The following NSUN7 variants were observed in gnomAD, a reference collection of about 807,000 sequenced individuals.
The protein encoded by NSUN7 is NOP2/Sun RNA methyltransferase family member 7.
Under a neutral mutation model 58.5 loss-of-function variants are expected in NSUN7, and 39 were observed. That is an observed-to-expected ratio of 0.67 (90% CI 0.52 to 0.87). NSUN7 has a LOEUF of 0.87. Ranked by LOEUF, NSUN7 falls within the 40% of genes least tolerant of loss-of-function variation. NSUN7 has a pLI of 0.00. For missense variants in NSUN7, 765 were observed against 844.1 expected, an observed-to-expected ratio of 0.91 and a Z score of 1.16; for synonymous variants, 278 against 303.7, an observed-to-expected ratio of 0.92 and a Z score of 0.88.
At chr4:40,776,374 T>C (rs1469064409) in intron 7 of NSUN7, 115 bp downstream of exon 7, 4 of 659,782 alleles carry the variant, frequency 6.1e-6, no homozygotes, top group Non-Finnish European at 1.0e-5. Flanking sequence ...TGTGAACTAA[T>C]ATCTTAAAAT....
At chr4:40,799,073 CTTTTTTTTTTTTTTTTT>C (rs761448412) in intron 10 of NSUN7, among the ~76,000 whole-genome samples, 169 bp downstream of exon 10, 1 of 76,208 alleles carries the variant, frequency 1.3e-5, no homozygotes, top group African/African-American at 5.0e-5. Flanking sequence ...GGGCCTTTTT[CTTTTTTTTTTTTTTTTT>C]TTTTTTTTTT....
At chr4:40,761,358 G>A in intron 4 of NSUN7, 57 bp downstream of exon 4, 2 of 1,376,820 alleles carry the variant, frequency 1.5e-6, no homozygotes, top group East Asian at 2.4e-5. Flanking sequence ...TATTGTTATT[G>A]GTAAAATTAC....
intron 2 of NSUN7, among the ~76,000 whole-genome samples, chr4:40,757,255 CAAAT>C (rs1293857231): frequency 6.6e-5 from 10 of 151,874 alleles, no homozygotes; most frequent in African/African-American, 7.3e-5. Context: ...AATAAATAAA[CAAAT>C]AAGTTACAGG....
At chr4:40,779,419 C>A (rs1200051512) in intron 7 of NSUN7, among the ~76,000 whole-genome samples, 3 of 152,080 alleles carry the variant, frequency 2.0e-5, no homozygotes, top group African/African-American at 7.2e-5. Flanking sequence ...CTGGCTAACA[C>A]GGTGAAACAG....
At chr4:40,806,052 C>T (rs1028606341) in intron 10 of NSUN7, among the ~76,000 whole-genome samples, 5 of 151,996 alleles carry the variant, frequency 3.3e-5, no homozygotes, top group Non-Finnish European at 5.9e-5. Context: ...TTGCCCAGGC[C>T]GGAGTGCAAT....
chr4:40,755,937 G>T (rs1250043899), intron 2 of NSUN7, among the ~76,000 whole-genome samples: 1 of 152,188 alleles, frequency 6.6e-6, no homozygotes, highest in African/African-American at 2.4e-5. Context: ...GTCAACTAGG[G>T]AAGTTCATCT....
At chr4:40,801,813 G>A (rs1045452718) in intron 10 of NSUN7, among the ~76,000 whole-genome samples, 1 of 149,718 alleles carries the variant, frequency 6.7e-6, no homozygotes, top group Non-Finnish European at 1.5e-5. Flanking sequence ...GAGGTGGGAA[G>A]ATTGCTTGAG....
rs1744019803 is a variant in NSUN7, at chr4:40,808,889, A to G, written c.2107A>G (p.Lys703Glu). ...HSLSRKEEKPKDDTPSSLLRP... is the reference protein window; with the variant it reads ...HSLSRKEEKPEDDTPSSLLRP... ...ACTATCCAGAAAAGAGGAAAAGCCT[A>G]AAGATGACACACCTTCCTCCCTACT... The change falls in exon 12 of 12, where the codon AAA (lysine) becomes GAA (glutamate). Residue 703 changes from lysine to glutamate, a missense_variant. By Grantham distance (56) the Lys-to-Glu change is moderately conservative. Transcript: ENST00000381782. 3 of 1,544,370 alleles carry G rather than the reference A, an allele frequency of 1.9e-6. No individual in the cohort carries two copies. Among genetic ancestry groups the G allele is most frequent in the Non-Finnish European group, 2.6e-6 (3 of 1,146,472 alleles).
intron 10 of NSUN7, among the ~76,000 whole-genome samples, chr4:40,804,904 G>A (rs898385851): frequency 1.3e-5 from 2 of 152,108 alleles, no homozygotes; most frequent in African/African-American, 4.8e-5. Context: ...GGCCTGCAGA[G>A]GAAAACCACC....
intron 7 of NSUN7, 91 bp downstream of exon 7, chr4:40,776,350 G>A (rs1742270090): frequency 1.5e-5 from 13 of 842,610 alleles, no homozygotes; most frequent in Non-Finnish European, 2.4e-5. Context: ...TTTTTGTAAT[G>A]TAAAAGCTCT....
intron 7 of NSUN7, chr4:40,786,489 A>T: frequency 6.2e-7 from 1 of 1,613,066 alleles, no homozygotes; most frequent in East Asian, 2.2e-5. Context: ...AAAATCAAGG[A>T]GTCCCTGTAC....
chr4:40,798,340 T>A (rs905743039), intron 9 of NSUN7, among the ~76,000 whole-genome samples: 1 of 152,210 alleles, frequency 6.6e-6, no homozygotes, highest in Admixed American at 6.5e-5. Flanking sequence ...ATTACCTCAT[T>A]TTACGGATGA....
In NSUN7 at chr4:40,780,790, CACATATAT is replaced by C. The variant is rs375906792; in HGVS notation, c.1036+4533_1036+4540del. ...ACACACACACACACACACACACATACACATATATATATATATATATATATTTTTTTTTT... is the reference window on the plus strand; with the variant it reads ...ACACACACACACACACACACACATACATATATATATATATATTTTTTTTTT... On this transcript the variant is annotated intron_variant, in intron 7 of 11. Coordinates refer to ENST00000381782, the MANE Select transcript of NSUN7 (RefSeq NM_024677.6). Among the ~76,000 whole-genome samples the C allele has an allele frequency of 3.8e-3, 422 of 110,934 alleles. 3 individuals carry two copies. The highest frequency in any genetic ancestry group is 0.012 in the African/African-American group (341 of 28,212). The allele number at this position is 110,934 out of a possible 152,430, so 72.8% of individuals were successfully genotyped here.
intron 4 of NSUN7, 96 bp downstream of exon 4, chr4:40,761,397 A>G: frequency 1.1e-6 from 1 of 934,608 alleles, no homozygotes; most frequent in Non-Finnish European, 1.6e-6. Context: ...ATAAGAGTTA[A>G]ATTTTATAGG....
chr4:40,805,545 G>C (rs995815742), intron 10 of NSUN7, among the ~76,000 whole-genome samples: 3 of 152,098 alleles, frequency 2.0e-5, no homozygotes, highest in Non-Finnish European at 2.9e-5. Context: ...CCCTATCTTC[G>C]GGGTAACTAA....
Position 40,750,808 on chromosome 4 carries a change from A to C in NSUN7, c.115A>C (p.Lys39Gln), listed in dbSNP as rs1277934675. 1 of 1,614,190 alleles carries C rather than the reference A, an allele frequency of 6.2e-7. No homozygotes were observed. The highest frequency in any genetic ancestry group is 2.2e-5 in the East Asian group (1 of 44,884). Residue 39 changes from lysine to glutamine, a missense_variant, in exon 2 of 12, where the codon AAA becomes CAA. Lys to Gln is a moderately conservative substitution (Grantham distance 53). Transcript: ENST00000381782. ...GGKSSAGVPE[K>Q]TGYPDSVYVM... is the part of the protein sequence containing the mutation. ...GAAAAGCTCAGCTGGTGTGCCCGAA[A>C]AAACGGGCTATCCGGACTCCGTTTA... is the stretch of plus-strand genomic sequence containing the variant.
intron 7 of NSUN7, among the ~76,000 whole-genome samples, chr4:40,779,636 G>C (rs1385142493): frequency 6.6e-6 from 1 of 152,092 alleles, no homozygotes; most frequent in Non-Finnish European, 1.5e-5. Context: ...AAGTGGAGAT[G>C]CTGAAAGAAA....
chr4:40,808,896 A>G lies in NSUN7; in HGVS notation c.2114A>G (p.Asp705Gly), dbSNP rs976514739. The change falls in exon 12 of 12, where the codon GAC (aspartate) becomes GGC (glycine). Residue 705 changes from aspartate to glycine, a missense_variant. Physicochemically the swap from Asp to Gly is moderately conservative, Grantham distance 94 (BLOSUM62 -1). Transcript: ENST00000381782. ...LSRKEEKPKD[D>G]TPSSLLRPPR... ...AGAAAAGAGGAAAAGCCTAAAGATG[A>G]CACACCTTCCTCCCTACTCAGGCCT... The G allele has an allele frequency of 4.5e-6, 7 of 1,542,252 alleles. No individual in the cohort carries two copies. The highest frequency in any genetic ancestry group is 1.7e-4 in the Middle Eastern group (1 of 6,016).
At position 40,774,393 on chromosome 4, in the gene NSUN7, C is replaced by G; in HGVS notation, c.617C>G (p.Ala206Gly). 1 of 1,613,730 alleles carries G rather than the reference C, an allele frequency of 6.2e-7. No individual in the cohort carries two copies. The highest frequency in any genetic ancestry group is 2.2e-5 in the East Asian group (1 of 44,850). ...AGGGCCTCCACTTTACCACTTTATG[C>G]TTGGATAAATACTTGTAAAATCAGG... The part of the protein sequence containing the change: ...ELRASTLPLY[A>G]WINTCKISPE... Residue 206 changes from alanine (A) to glycine (G), a missense_variant, in exon 5 of 12, where the codon GCT becomes GGT. Transcript: ENST00000381782.
Sources: allele counts gnomAD v4.1 joint callset (sites outside exome capture counted in the v4.1 genomes callset), GRCh38; gene constraint gnomAD v4.1.1; transcripts MANE v1.5; gene names NCBI Gene and HGNC (gene_info 2026-07-23, HGNC 2026-07-21).